Variants in LAMA2 observed in about 807,000 individuals in gnomAD.
LAMA2 encodes laminin subunit alpha 2, also known as laminin subunit alpha-2.
Under a neutral mutation model 364.8 loss-of-function variants are expected in LAMA2, and 269 were observed. The ratio of observed to expected loss-of-function variants is 0.74; its 90% CI spans 0.67 to 0.82. The LOEUF (loss-of-function observed/expected upper bound fraction) is 0.82. LAMA2 is among the 40% of genes least tolerant of loss of function. LAMA2 has a pLI of 0.00. For missense variants in LAMA2, 3,807 were observed against 3,873.2 expected (o/e 0.98, Z 0.45); for synonymous variants, 1,379 against 1,370.6 (o/e 1.01, Z -0.14).
intron 4 of LAMA2, among the ~76,000 whole-genome samples, chr6:129,129,447 T>C (rs543191229): frequency 2.6e-5 from 4 of 152,324 alleles, no homozygotes; most frequent in South Asian, 4.1e-4. Flanking sequence ...ATTGTACACA[T>C]TGAGGATGAT....
intron 3 of LAMA2, among the ~76,000 whole-genome samples, chr6:129,091,182 C>T (rs934484451): frequency 6.6e-6 from 1 of 152,100 alleles, no homozygotes; most frequent in Admixed American, 6.6e-5. Flanking sequence ...CAGAGCTAGA[C>T]TTTGAGATTT....
At chr6:129,506,220 G>C (rs1470109394) in intron 61 of LAMA2, among the ~76,000 whole-genome samples, 1 of 151,990 alleles carries the variant, frequency 6.6e-6, no homozygotes, top group Non-Finnish European at 1.5e-5. Context: ...AGGTGTGGTG[G>C]TGTGTGTCTG....
At chr6:129,444,770 A>G (rs1224232168) in intron 44 of LAMA2, among the ~76,000 whole-genome samples, 1 of 152,222 alleles carries the variant, frequency 6.6e-6, no homozygotes, top group Non-Finnish European at 1.5e-5. Flanking sequence ...GTAGCCTTGA[A>G]CCTTAAGCAG....
At chr6:129,224,580 C>A (rs1003565187) in intron 12 of LAMA2, among the ~76,000 whole-genome samples, 1 of 152,118 alleles carries the variant, frequency 6.6e-6, no homozygotes, top group Non-Finnish European at 1.5e-5. Flanking sequence ...TGTCAAAGGC[C>A]TTTTCTGCAT....
chr6:128,936,332 T>C (rs1343808005), intron 1 of LAMA2, among the ~76,000 whole-genome samples: 1 of 152,246 alleles, frequency 6.6e-6, no homozygotes, highest in Admixed American at 6.5e-5. Flanking sequence ...ATGTCCTTTA[T>C]TATGTTCAGA....
intron 1 of LAMA2, chr6:128,929,407 A>G (rs1433665485): frequency 3.4e-6 from 3 of 885,606 alleles, no homozygotes; most frequent in Non-Finnish European, 5.8e-6. Flanking sequence ...GTGATAGCAC[A>G]CCTCCATCTT....
intron 12 of LAMA2, among the ~76,000 whole-genome samples, chr6:129,238,718 T>A (rs1785186070): frequency 6.6e-6 from 1 of 152,148 alleles, no homozygotes; most frequent in Non-Finnish European, 1.5e-5. Context: ...ATTTAACCTC[T>A]TAGAGCCACG....
intron 64 of LAMA2, among the ~76,000 whole-genome samples, chr6:129,515,858 T>C (rs1787017143): frequency 1.3e-5 from 2 of 152,126 alleles, no homozygotes; most frequent in Admixed American, 1.3e-4. Context: ...TGGGCATAGA[T>C]GGGGAGATCT....
At chr6:128,922,652 G>A (rs1459343345) in intron 1 of LAMA2, among the ~76,000 whole-genome samples, 3 of 151,806 alleles carry the variant, frequency 2.0e-5, no homozygotes, top group Non-Finnish European at 2.9e-5. Flanking sequence ...CTCCCATTTT[G>A]TCGGTTGCCT....
intron 3 of LAMA2, among the ~76,000 whole-genome samples, chr6:129,066,622 A>G (rs62423273): frequency 0.15 from 16,372 of 109,328 alleles, 909 homozygotes; most frequent in East Asian, 0.21. Context: ...TGCTAAAGCA[A>G]TCTTGAGCAA....
At chr6:129,304,453 C>T (rs1042790786) in intron 22 of LAMA2, among the ~76,000 whole-genome samples, 70 of 152,152 alleles carry the variant, frequency 4.6e-4, no homozygotes, top group African/African-American at 1.4e-3. Context: ...TTAGTAGAGA[C>T]GGGGTTTCAC....
At chr6:129,014,771 A>G (rs2114702416) in intron 1 of LAMA2, among the ~76,000 whole-genome samples, 1 of 152,304 alleles carries the variant, frequency 6.6e-6, no homozygotes, top group Admixed American at 6.5e-5. Flanking sequence ...CCCAATAATT[A>G]GATATTTGAA....
At chr6:129,312,529 CTT>C (rs1374515404) in intron 22 of LAMA2, among the ~76,000 whole-genome samples, 1 of 152,152 alleles carries the variant, frequency 6.6e-6, no homozygotes, top group Admixed American at 6.5e-5. Context: ...GGTAAAATAA[CTT>C]TGTCTAAAAT....
chr6:128,914,202 T>A (rs1365149144), intron 1 of LAMA2, among the ~76,000 whole-genome samples: 1 of 152,206 alleles, frequency 6.6e-6, no homozygotes, highest in Non-Finnish European at 1.5e-5. Flanking sequence ...GTTGTTTTAC[T>A]GTCACAACTC....
chr6:129,441,036 T>G, intron 43 of LAMA2, 38 bp downstream of exon 43: 3 of 1,551,722 alleles, frequency 1.9e-6, no homozygotes, highest in South Asian at 2.2e-5. Flanking sequence ...TGTCATTTAT[T>G]TCCTCTCACT....
intron 20 of LAMA2, chr6:129,292,993 T>G: frequency 1.0e-6 from 1 of 985,904 alleles, no homozygotes; most frequent in Non-Finnish European, 1.2e-6. Context: ...CAACGGGTGC[T>G]GGGTTCTCCT....
intron 1 of LAMA2, among the ~76,000 whole-genome samples, chr6:128,912,957 A>G (rs1778080342): frequency 6.6e-6 from 1 of 152,192 alleles, no homozygotes; most frequent in Admixed American, 6.5e-5. Flanking sequence ...GGGCGACCAG[A>G]AAGGCAGATT....
chr6:129,058,897 G>A (rs1292428129), intron 2 of LAMA2, among the ~76,000 whole-genome samples: 3 of 152,164 alleles, frequency 2.0e-5, no homozygotes, highest in Non-Finnish European at 4.4e-5. Flanking sequence ...GGAAAATATG[G>A]CAATTTGGAA....
intron 1 of LAMA2, among the ~76,000 whole-genome samples, chr6:128,974,970 G>A (rs560836684): frequency 2.8e-4 from 42 of 151,916 alleles, no homozygotes; most frequent in Admixed American, 6.5e-4. Context: ...TCCTGCCTCG[G>A]CCTCCGGAGT....
Sources: allele counts gnomAD v4.1 joint callset (sites outside exome capture counted in the v4.1 genomes callset), GRCh38; gene constraint gnomAD v4.1.1; transcripts MANE v1.5; gene names NCBI Gene and HGNC (gene_info 2026-07-23, HGNC 2026-07-21).